The following SATB2 variants were observed in gnomAD, a reference collection of about 807,000 sequenced individuals.
SATB2 encodes SATB homeobox 2.
Under a neutral mutation model 73.4 loss-of-function variants are expected in SATB2, and 1 was observed. The ratio of observed to expected loss-of-function variants is 0.01; its 90% CI spans 0.00 to 0.06. SATB2 has a LOEUF of 0.06. Among genes scored for constraint, SATB2 ranks in the 10% least tolerant of loss-of-function variants. The pLI, the probability that SATB2 is intolerant of heterozygous loss-of-function variation, is 1.00. For missense variants in SATB2, 459 were observed against 945.8 expected (o/e 0.49, Z 6.75); for synonymous variants, 397 against 367.0 (o/e 1.08, Z -0.93).
At chr2:199,433,223 C>T (rs1275439723) in intron 3 of SATB2, 115 bp downstream of exon 3, 3 of 1,099,866 alleles carry the variant, frequency 2.7e-6, no homozygotes, top group Non-Finnish European at 2.6e-6. Context: ...CTAGGAAATG[C>T]TAAATCTGAC....
intron 3 of SATB2, among the ~76,000 whole-genome samples, chr2:199,424,283 C>A (rs78775450): frequency 6.6e-6 from 1 of 152,094 alleles, no homozygotes; most frequent in Non-Finnish European, 1.5e-5. Context: ...ATCACAGTCA[C>A]GCAAAATCTA....
At chr2:199,461,438 G>A (rs897133658), upstream of SATB2, among the ~76,000 whole-genome samples, 22 of 152,158 alleles carry the variant, frequency 1.4e-4, no homozygotes, top group African/African-American at 4.1e-4. Flanking sequence ...GTTTGGTTTC[G>A]TTTTGTATCC....
chr2:199,299,785 A>C (rs1344312508), intron 10 of SATB2, among the ~76,000 whole-genome samples: 1 of 152,160 alleles, frequency 6.6e-6, no homozygotes, highest in African/African-American at 2.4e-5. Context: ...GCCTAACAGC[A>C]GGCTTATCGA....
At chr2:199,399,882 G>C (rs950826092) in intron 3 of SATB2, among the ~76,000 whole-genome samples, 8 of 152,266 alleles carry the variant, frequency 5.3e-5, no homozygotes, top group Non-Finnish European at 7.4e-5. Flanking sequence ...CTCCATGTGA[G>C]ATTTGGGCAG....
intron 6 of SATB2, among the ~76,000 whole-genome samples, chr2:199,353,047 C>T (rs1688864914): frequency 6.6e-6 from 1 of 151,628 alleles, no homozygotes; most frequent in Non-Finnish European, 1.5e-5. Flanking sequence ...AATTATCATC[C>T]CGACTTTAAG....
intron 3 of SATB2, among the ~76,000 whole-genome samples, chr2:199,424,213 A>G (rs1691260570): frequency 6.6e-6 from 1 of 152,212 alleles, no homozygotes; most frequent in Admixed American, 6.5e-5. Flanking sequence ...GACCCTTTAC[A>G]GCTCTCAAAG....
intron 6 of SATB2, among the ~76,000 whole-genome samples, chr2:199,349,725 A>C (rs1227507055): frequency 2.0e-5 from 3 of 152,192 alleles, no homozygotes; most frequent in Non-Finnish European, 4.4e-5. Context: ...TTTTATAGAA[A>C]TGTTTCTTTA....
At chr2:199,425,214 G>T (rs1484049595) in intron 3 of SATB2, among the ~76,000 whole-genome samples, 1 of 152,152 alleles carries the variant, frequency 6.6e-6, no homozygotes, top group East Asian at 1.9e-4. Flanking sequence ...TTAAATAAAG[G>T]TTGTATATAT....
At chr2:199,274,287 G>A (rs1199582735) in intron 10 of SATB2, among the ~76,000 whole-genome samples, 1 of 151,782 alleles carries the variant, frequency 6.6e-6, no homozygotes, top group Admixed American at 6.6e-5. Context: ...CACCTTTCCT[G>A]CCACCACCAC....
chr2:199,438,623 G>C (rs1343494186), intron 2 of SATB2, among the ~76,000 whole-genome samples: 1 of 152,202 alleles, frequency 6.6e-6, no homozygotes. Flanking sequence ...GCGTATTCTG[G>C]AAGGCTCTGA....
Position 199,464,454 on chromosome 2 carries a change from CAGAG to C in SATB2, c.-141+378_-141+381del, listed in dbSNP as rs1402146570. Among the ~76,000 whole-genome samples the C allele has an allele frequency of 6.6e-6, 1 of 151,250 alleles. No homozygotes were observed. Among genetic ancestry groups the C allele is most frequent in the African/African-American group, 2.4e-5 (1 of 40,826 alleles). Reference sequence around the variant, plus strand: ...GCGCGCACACACACACACACACACACAGAGGGACTTGTCAACTATTGAGACAGCG... The same window carrying C: ...GCGCGCACACACACACACACACACACGGACTTGTCAACTATTGAGACAGCG... On this transcript the variant is annotated intron_variant, in intron 1 of 11. Coordinates refer to the SATB2 transcript ENST00000260926. This position sits in a 1 kb window ranked among gnomAD's most constrained non-coding sequence, Gnocchi z 6.6.
In SATB2 at chr2:199,314,473, AG is replaced by A. The variant is rs1049612275; in HGVS notation, c.1543-5517del. On this transcript the variant is annotated intron_variant, in intron 9 of 10. Coordinates refer to ENST00000417098, the MANE Select transcript of SATB2 (RefSeq NM_001172509.2). ...CATTATATAAATTGCAAATAGTAAT[AG>A]TAGTCTCTCAGGACATTGATTCTGT... Among the ~76,000 whole-genome samples the A allele has an allele frequency of 9.9e-4, 150 of 152,266 alleles. 2 individuals carry two copies. Among genetic ancestry groups the A allele is most frequent in the African/African-American group, 3.3e-3 (139 of 41,526 alleles).
intron 3 of SATB2, chr2:199,396,336 A>G (rs1237570334): frequency 6.6e-6 from 1 of 152,182 alleles, no homozygotes; most frequent in East Asian, 1.9e-4. Context: ...TTAATGCTTC[A>G]CCCAGGGGCA....
chr2:199,317,914 A>G (rs1018678151), intron 9 of SATB2, among the ~76,000 whole-genome samples: 2 of 152,040 alleles, frequency 1.3e-5, no homozygotes, highest in African/African-American at 4.8e-5. Context: ...ATATTTTTCA[A>G]ATGGTATTTT....
intron 6 of SATB2, among the ~76,000 whole-genome samples, chr2:199,353,851 G>A (rs1558998124): frequency 6.6e-6 from 1 of 152,260 alleles, no homozygotes; most frequent in East Asian, 1.9e-4. Context: ...AAAACATCAT[G>A]TTAAGTCTGT....
chr2:199,458,780 C>G, upstream of SATB2: 1 of 392,606 alleles, frequency 2.5e-6, no homozygotes, highest in South Asian at 1.7e-5. Context: ...CACCACCCAC[C>G]GCCTCCGCCC....
intron 7 of SATB2, among the ~76,000 whole-genome samples, chr2:199,335,240 T>C (rs967494364): frequency 1.3e-5 from 2 of 152,204 alleles, no homozygotes; most frequent in Non-Finnish European, 1.5e-5. Flanking sequence ...AGACAGCCTA[T>C]GCATGTGGCA....
chr2:199,357,922 A>G (rs984810788), intron 6 of SATB2, among the ~76,000 whole-genome samples: 1 of 152,162 alleles, frequency 6.6e-6, no homozygotes, highest in African/African-American at 2.4e-5. Context: ...GAAACTGGGT[A>G]TGCACACTCA....
chr2:199,291,042 G>A (rs1184723959), intron 10 of SATB2, among the ~76,000 whole-genome samples: 1 of 152,134 alleles, frequency 6.6e-6, no homozygotes, highest in African/African-American at 2.4e-5. Context: ...AGCAAAATAT[G>A]AAAGAATATT....
Sources: allele counts gnomAD v4.1 joint callset (sites outside exome capture counted in the v4.1 genomes callset), GRCh38; gene constraint gnomAD v4.1.1; non-coding constraint Gnocchi (gnomAD v3.1); transcripts MANE v1.5; gene names NCBI Gene and HGNC (gene_info 2026-07-23, HGNC 2026-07-21).